Variants in BLTP1 observed in about 807,000 individuals in gnomAD.
BLTP1 encodes bridge-like lipid transfer protein family member 1, also known as fragile site-associated protein.
chr4:122,226,900 G>T, the BLTP1 span: 5 of 1,263,496 alleles, frequency 4.0e-6, no homozygotes, highest in South Asian at 6.4e-5. Flanking sequence ...GGAATATTGA[G>T]ATATCAGCTT....
the BLTP1 span, among the ~76,000 whole-genome samples, chr4:122,319,769 T>C: frequency 1.6e-4 from 24 of 151,954 alleles, no homozygotes; most frequent in African/African-American, 4.8e-4. Context: ...TTGAATGTCT[T>C]ACCTCGTGAT....
the BLTP1 span, among the ~76,000 whole-genome samples, chr4:122,358,460 T>A: frequency 6.6e-6 from 1 of 152,212 alleles, no homozygotes; most frequent in African/African-American, 2.4e-5. Context: ...AATAAGTTAT[T>A]ACAAACAACA....
chr4:122,225,500 G>A, the BLTP1 span: 1 of 151,970 alleles, frequency 6.6e-6, no homozygotes, highest in Non-Finnish European at 1.5e-5. Context: ...TTTAGAATGG[G>A]TATAAAACAT....
chr4:122,276,757 T>C, the BLTP1 span: 1 of 966,290 alleles, frequency 1.0e-6, no homozygotes, highest in African/African-American at 1.8e-5. Flanking sequence ...GGTGATCATC[T>C]CTGAGAAATA....
chr4:122,337,112 T>C, the BLTP1 span: 1 of 1,180,510 alleles, frequency 8.5e-7, no homozygotes, highest in East Asian at 2.4e-5. Flanking sequence ...GTTTAAAAGT[T>C]TTCTTAACCT....
chr4:122,156,468 A>G, the BLTP1 span, among the ~76,000 whole-genome samples: 2 of 152,220 alleles, frequency 1.3e-5, no homozygotes, highest in Non-Finnish European at 2.9e-5. Flanking sequence ...TTAGACATCT[A>G]TAGACATCAA....
At chr4:122,349,760 T>A in the BLTP1 span, 1 of 1,553,856 alleles carries the variant, frequency 6.4e-7, no homozygotes, top group South Asian at 1.3e-5. This position sits in a 1 kb window ranked among gnomAD's most constrained non-coding sequence, Gnocchi z 4.5. Context: ...ATGCAATTAA[T>A]ACAAATTAAA....
chr4:122,289,258 C>T, the BLTP1 span: 2 of 1,121,314 alleles, frequency 1.8e-6, no homozygotes, highest in African/African-American at 3.1e-5. Flanking sequence ...TGTGATATCC[C>T]ATATATCTGT....
At chr4:122,278,716 C>G in the BLTP1 span, among the ~76,000 whole-genome samples, 1 of 152,210 alleles carries the variant, frequency 6.6e-6, no homozygotes. Flanking sequence ...ACTGCAATCT[C>G]CGTCTCCTGG....
the BLTP1 span, chr4:122,243,095 G>C: frequency 8.7e-6 from 14 of 1,605,834 alleles, no homozygotes; most frequent in Non-Finnish European, 9.4e-6. Flanking sequence ...TGCTTTTAAA[G>C]TGTCTTCCTT....
At chr4:122,333,571 A>G in the BLTP1 span, 22 of 1,501,902 alleles carry the variant, frequency 1.5e-5, no homozygotes, top group Non-Finnish European at 1.8e-5. Context: ...GTTTGCTTTT[A>G]AACAAAAAGA....
the BLTP1 span, among the ~76,000 whole-genome samples, chr4:122,242,107 A>G: frequency 1.3e-5 from 2 of 152,182 alleles, no homozygotes; most frequent in African/African-American, 4.8e-5. Context: ...CATATGATCC[A>G]GCAATCCCAC....
chr4:122,272,389 T>C, the BLTP1 span: 2 of 1,610,290 alleles, frequency 1.2e-6, no homozygotes, highest in Non-Finnish European at 1.7e-6. Context: ...GTTTTACTCT[T>C]AAGGAAAAAA....
At chr4:122,330,417 C>G in the BLTP1 span, among the ~76,000 whole-genome samples, 1 of 151,764 alleles carries the variant, frequency 6.6e-6, no homozygotes, top group Non-Finnish European at 1.5e-5. Flanking sequence ...AAATAATAGT[C>G]ATGTTACCAG....
At chr4:122,227,180 A>G in the BLTP1 span, 1 of 1,006,834 alleles carries the variant, frequency 9.9e-7, no homozygotes, top group Non-Finnish European at 1.2e-6. Context: ...GAGAAGGTTG[A>G]ATTCTTCACA....
At chr4:122,311,562 T>C in the BLTP1 span, among the ~76,000 whole-genome samples, 3 of 152,092 alleles carry the variant, frequency 2.0e-5, no homozygotes, top group African/African-American at 4.8e-5. Flanking sequence ...TGCCTTAGAA[T>C]TTTTTTAACA....
chr4:122,258,758 G>C, the BLTP1 span: 13 of 1,613,920 alleles, frequency 8.1e-6, no homozygotes, highest in Non-Finnish European at 1.1e-5. Context: ...CCTCCACCTG[G>C]TAGCTCTGGA....
chr4:122,293,290 A>G, the BLTP1 span: 1 of 493,744 alleles, frequency 2.0e-6, no homozygotes, highest in Non-Finnish European at 2.6e-6. Context: ...AGGAATGAAA[A>G]TGGTGAGTGA....
At chr4:122,238,290 A>T in the BLTP1 span, 1 of 1,614,108 alleles carries the variant, frequency 6.2e-7, no homozygotes, top group Non-Finnish European at 8.5e-7. Flanking sequence ...TCTGTTGCTG[A>T]TGACCATTTG....
Sources: gnomAD v4.1 joint callset for allele counts (sites outside exome capture counted in the v4.1 genomes callset) on GRCh38, gnomAD v4.1.1 for gene constraint, Gnocchi (gnomAD v3.1) non-coding constraint, MANE v1.5 for transcripts, NCBI Gene and HGNC (gene_info 2026-07-23, HGNC 2026-07-21) for gene names.